The following SEMA6A variants were observed in gnomAD, a reference collection of about 807,000 sequenced individuals.
SEMA6A encodes semaphorin 6A, also known as semaphorin-6A.
SEMA6A carries 25 observed loss-of-function variants against 96.8 expected under a neutral mutation model. The observed-to-expected ratio is 0.26, with a 90% CI of 0.19 to 0.36. The LOEUF is 0.36. Among genes scored for constraint, SEMA6A ranks in the 10% least tolerant of loss-of-function variants. The pLI is 1.00. For synonymous variants in SEMA6A, 612 were observed against 518.0 expected (o/e 1.18, Z -2.46); for missense variants, 1,363 against 1,323.1 (o/e 1.03, Z -0.47).
At chr5:116,520,494 C>A (rs1350268108) in intron 1 of SEMA6A, among the ~76,000 whole-genome samples, 1 of 151,972 alleles carries the variant, frequency 6.6e-6, no homozygotes, top group African/African-American at 2.4e-5. Context: ...AGTATCAGGA[C>A]AATTTCTGAA....
Position 116,444,247 on chromosome 5 carries a change from T to G in SEMA6A, c.*2366A>C, listed in dbSNP as rs72810786. The G allele has an allele frequency of 7.9e-4, 115 of 146,062 alleles. 1 individual carries two copies. In the East Asian group the frequency reaches 0.02, roughly 26 times the overall value. The allele number at this position is 146,062 out of a possible 1,614,324, so 9.0% of individuals were successfully genotyped here. A position where few individuals can be genotyped will look rare whatever the true frequency, so the allele number is the denominator to read the frequency against. On this transcript the variant is annotated 3_prime_UTR_variant, in exon 19 of 19. Coordinates refer to ENST00000343348, the MANE Select transcript of SEMA6A (RefSeq NM_020796.5). ...TTACAAAAGCCAAAAAAAAAAAAAGTAAAAACAACAACAACCACCTACTCC... is the reference window on the plus strand; with the variant it reads ...TTACAAAAGCCAAAAAAAAAAAAAGGAAAAACAACAACAACCACCTACTCC...
intron 1 of SEMA6A, among the ~76,000 whole-genome samples, chr5:116,535,281 C>G (rs1051071712): frequency 6.6e-6 from 1 of 152,188 alleles, no homozygotes; most frequent in African/African-American, 2.4e-5. Context: ...GCGGGAGAAA[C>G]AGAGAAGCTG....
chr5:116,534,581 C>G (rs1231218864), intron 1 of SEMA6A, among the ~76,000 whole-genome samples: 1 of 152,222 alleles, frequency 6.6e-6, no homozygotes, highest in Non-Finnish European at 1.5e-5. Flanking sequence ...GCTTCTTTGA[C>G]CAAATCATCA....
At position 116,482,466 on chromosome 5, in the gene SEMA6A, C is replaced by T. The variant is rs1199024118; in HGVS notation, c.1072G>A (p.Asp358Asn). Reference sequence around the variant, plus strand: ...TACCTGGGCTTAGGAACTCGTTCATCAGGAACTGGTGTCCAGGTGGAATCA... The same window carrying T: ...TACCTGGGCTTAGGAACTCGTTCATTAGGAACTGGTGTCCAGGTGGAATCA... ...SPDSTWTPVPDERVPKPRPGC... is the reference protein window; with the variant it reads ...SPDSTWTPVPNERVPKPRPGC... Residue 358 changes from aspartate (D) to asparagine (N), a missense_variant, in exon 11 of 19, where the codon GAT becomes AAT. Transcript: ENST00000343348. 1 of 1,613,392 alleles carries T rather than the reference C, an allele frequency of 6.2e-7. No homozygotes were observed. Among genetic ancestry groups the T allele is most frequent in the East Asian group, 2.2e-5 (1 of 44,806 alleles).
chr5:116,465,916 T>C (rs1026302119), intron 18 of SEMA6A, among the ~76,000 whole-genome samples: 8 of 152,008 alleles, frequency 5.3e-5, no homozygotes, highest in African/African-American at 1.7e-4. Flanking sequence ...ACATCTGAGG[T>C]CAGGAGCCAC....
intron 2 of SEMA6A, among the ~76,000 whole-genome samples, chr5:116,503,261 G>A (rs939242507): frequency 1.3e-5 from 2 of 152,128 alleles, no homozygotes; most frequent in African/African-American, 4.8e-5. Context: ...ACAGATTTAT[G>A]CTTCGACCCT....
chr5:116,457,749 A>G (rs1401529397), intron 18 of SEMA6A, among the ~76,000 whole-genome samples: 1 of 152,158 alleles, frequency 6.6e-6, no homozygotes, highest in Non-Finnish European at 1.5e-5. Flanking sequence ...GCGTTTCCAC[A>G]ATTTAAAGTG....
At chr5:116,452,768 T>A (rs3984967) in intron 18 of SEMA6A, among the ~76,000 whole-genome samples, 27,666 of 152,180 alleles carry the variant, frequency 0.18, 2,712 homozygotes, top group East Asian at 0.38. Flanking sequence ...TTAGAAATGA[T>A]GTTTTCCCCT....
intron 18 of SEMA6A, 21 bp downstream of exon 18, chr5:116,467,562 G>A (rs1755837303): frequency 1.3e-6 from 2 of 1,598,668 alleles, no homozygotes; most frequent in Middle Eastern, 1.7e-4. Flanking sequence ...CCGAGAGGAA[G>A]AGGCATTTCC....
intron 12 of SEMA6A, among the ~76,000 whole-genome samples, chr5:116,479,334 C>T (rs1198098367): frequency 6.6e-6 from 1 of 152,198 alleles, no homozygotes; most frequent in Non-Finnish European, 1.5e-5. Flanking sequence ...ATCCCTTGGA[C>T]ATTTGACACT....
intron 17 of SEMA6A, 75 bp from the exon 18 acceptor site, chr5:116,467,822 G>C: frequency 6.6e-7 from 1 of 1,505,196 alleles, no homozygotes; most frequent in Non-Finnish European, 9.0e-7. Context: ...AGGCCTGGAG[G>C]TGGGACACCC....
At chr5:116,536,506 C>G (rs541469276) in intron 1 of SEMA6A, 1 of 152,256 alleles carries the variant, frequency 6.6e-6, no homozygotes, top group South Asian at 2.1e-4. Context: ...CTGTACATTT[C>G]ACGGAGGTGG....
intron 1 of SEMA6A, among the ~76,000 whole-genome samples, chr5:116,541,910 A>G (rs1290039921): frequency 6.6e-6 from 1 of 152,244 alleles, no homozygotes; most frequent in Non-Finnish European, 1.5e-5. Flanking sequence ...TATCTAGGGA[A>G]GAAAAAGAAC....
rs775171890 is a variant in SEMA6A at position 116,478,187 on chromosome 5, A to T, written c.1428-33T>A. On this transcript the variant is annotated intron_variant, in intron 13 of 18. Coordinates refer to ENST00000343348, the MANE Select transcript of SEMA6A (RefSeq NM_020796.5). ...CATCAGGCAAGATAATATCATTAAT[A>T]GACTCTTCTCTTTTTCTCGGCCCCA... The T allele has an allele frequency of 1.9e-5, 30 of 1,608,546 alleles. No homozygotes were observed. In the South Asian group the frequency reaches 2.6e-4, roughly 14 times the overall value.
chr5:116,509,824 CTTG>C (rs1191985700), intron 1 of SEMA6A, among the ~76,000 whole-genome samples: 8 of 152,244 alleles, frequency 5.3e-5, no homozygotes, highest in African/African-American at 9.6e-5. Context: ...TAGTTGGGCT[CTTG>C]TTGTTGTGTC....
At chr5:116,497,654 A>G (rs2112753101) in intron 3 of SEMA6A, among the ~76,000 whole-genome samples, 1 of 152,356 alleles carries the variant, frequency 6.6e-6, no homozygotes, top group Middle Eastern at 3.4e-3. Context: ...GAACTATAGC[A>G]TCTGCATATA....
At chr5:116,560,508 G>C (rs115583203) in intron 1 of SEMA6A, among the ~76,000 whole-genome samples, 37 of 151,400 alleles carry the variant, frequency 2.4e-4, no homozygotes, top group African/African-American at 8.5e-4. Context: ...ACTTTTGTCA[G>C]AGGGAAGATC....
At chr5:116,470,003 G>T (rs1238461522) in intron 17 of SEMA6A, among the ~76,000 whole-genome samples, 3 of 152,138 alleles carry the variant, frequency 2.0e-5, no homozygotes, top group Non-Finnish European at 4.4e-5. Flanking sequence ...TTACTGGAAA[G>T]AAAAAACTGA....
chr5:116,504,459 A>C (rs1322921246), intron 2 of SEMA6A, among the ~76,000 whole-genome samples: 2 of 152,234 alleles, frequency 1.3e-5, no homozygotes, highest in Non-Finnish European at 2.9e-5. Context: ...AATGGTCATT[A>C]CTTTTTGTTC....
Sources: gnomAD v4.1 joint callset for allele counts (sites outside exome capture counted in the v4.1 genomes callset) on GRCh38, gnomAD v4.1.1 for gene constraint, MANE v1.5 for transcripts, NCBI Gene and HGNC (gene_info 2026-07-23, HGNC 2026-07-21) for gene names.